Variants in COL4A2 observed in about 807,000 individuals in gnomAD.
COL4A2 encodes the protein collagen type IV alpha 2 chain, also known as collagen alpha-2(IV) chain.
Under a neutral mutation model 200.2 loss-of-function variants are expected in COL4A2, and 99 were observed. That is an observed-to-expected ratio of 0.49 (90% CI 0.42 to 0.58). The LOEUF (loss-of-function observed/expected upper bound fraction) is 0.58. Among genes scored for constraint, COL4A2 ranks in the 20% least tolerant of loss-of-function variants. The pLI is 0.00. For missense variants in COL4A2, 1,950 were observed against 2,314.1 expected, an observed-to-expected ratio of 0.84 and a Z score of 3.23; for synonymous variants, 897 against 900.6, an observed-to-expected ratio of 1.00 and a Z score of 0.07.
chr13:110,464,590 G>A (rs1204040592), intron 24 of COL4A2, among the ~76,000 whole-genome samples: 1 of 152,158 alleles, frequency 6.6e-6, no homozygotes, highest in Non-Finnish European at 1.5e-5. Context: ...GAGCTGGACC[G>A]GTGTCCCTGC....
At chr13:110,365,190 G>A (rs980172435) in intron 4 of COL4A2, among the ~76,000 whole-genome samples, 1 of 151,840 alleles carries the variant, frequency 6.6e-6, no homozygotes, top group African/African-American at 2.4e-5. Context: ...TGCCTGGGCT[G>A]GACCGCAGTG....
rs778640424 is a variant in COL4A2, at chr13:110,465,452, A to G, written c.1824A>G (p.Ile608Met). 17 of 1,613,768 alleles carry G rather than the reference A, an allele frequency of 1.1e-5. No homozygotes were observed. Among genetic ancestry groups the G allele is most frequent in the Middle Eastern group, 1.7e-4 (1 of 6,048 alleles). Residue 608 changes from isoleucine (I) to methionine (M), a missense_variant, in exon 25 of 48, where the codon ATA (isoleucine) becomes ATG (methionine). By Grantham distance (10) the Ile-to-Met change is conservative (BLOSUM62 1). Around this residue, in one of 2 missense-constraint regions of COL4A2, gnomAD observed 1,385 missense variants for 1,720.5 expected, o/e 0.80. Transcript: ENST00000360467. ...GPPGDPGYPG[I>M]PGTKGTPGEM... ...CAGGGGACCCAGGCTATCCAGGAAT[A>G]CCTGGAACGAAGGGTACTCCAGGAG...
chr13:110,322,613 T>C (rs1282643481), intron 3 of COL4A2, among the ~76,000 whole-genome samples: 1 of 152,170 alleles, frequency 6.6e-6, no homozygotes, highest in African/African-American at 2.4e-5. Context: ...ATCTTCCCCA[T>C]GGCTTCACCA....
intron 16 of COL4A2, among the ~76,000 whole-genome samples, chr13:110,443,104 G>A (rs1225528877): frequency 6.6e-6 from 1 of 152,206 alleles, no homozygotes; most frequent in Non-Finnish European, 1.5e-5. Context: ...AAAGCTTGAA[G>A]TGGCAGACAT....
intron 26 of COL4A2, 81 bp from the exon 27 acceptor site, chr13:110,466,959 T>G (rs1882264807): frequency 2.5e-6 from 4 of 1,581,508 alleles, no homozygotes; most frequent in African/African-American, 1.3e-5. Flanking sequence ...AGCTCGTGCT[T>G]TTGCCCTTGG....
Position 110,430,619 on chromosome 13 carries a change from G to A in COL4A2, c.648+12G>A. 1.2e-6 allele frequency: 2 copies of A among 1,614,140 alleles called. No individual in the cohort carries two copies. Among genetic ancestry groups the A allele is most frequent in the Non-Finnish European group, 1.7e-6 (2 of 1,179,982 alleles). On this transcript the variant is annotated intron_variant, in intron 10 of 47. Transcript: ENST00000360467. Reference sequence around the variant, plus strand: ...CTCCAGGGAGACCAGTAAGTACCTGGACACAGGTGCCCACTCTGGGACCAT... The same window carrying A: ...CTCCAGGGAGACCAGTAAGTACCTGAACACAGGTGCCCACTCTGGGACCAT...
At chr13:110,432,218 C>G (rs770786998) in intron 10 of COL4A2, 107 bp from the exon 11 acceptor site, 10 of 1,364,936 alleles carry the variant, frequency 7.3e-6, no homozygotes, top group Non-Finnish European at 9.6e-6. Flanking sequence ...GCATCCTACA[C>G]TGTGTCCTAA....
chr13:110,399,059 C>T (rs148512655), intron 4 of COL4A2, among the ~76,000 whole-genome samples: 1 of 152,266 alleles, frequency 6.6e-6, no homozygotes, highest in East Asian at 1.9e-4. Flanking sequence ...AGCCAGGCCA[C>T]TCTGTGCCCA....
intron 4 of COL4A2, among the ~76,000 whole-genome samples, chr13:110,379,142 A>G (rs1878360484): frequency 6.6e-6 from 1 of 152,212 alleles, no homozygotes; most frequent in Non-Finnish European, 1.5e-5. Context: ...GACATCAGAC[A>G]AAATCTGAAG....
In COL4A2 at chr13:110,450,470, CAA is replaced by C; in HGVS notation, c.1339+19_1339+20del. On this transcript the variant is annotated intron_variant, in intron 20 of 47. Coordinates refer to ENST00000360467, the MANE Select transcript of COL4A2 (RefSeq NM_001846.4). ...GGACCTGATGGTGAGTGGAGGGAAA[CAA>C]AAGGGAGGGTGTAGCCTAATGTTCA... 6.2e-7 allele frequency: 1 copy of C among 1,613,176 alleles called. No individual in the cohort carries two copies.
At chr13:110,471,085 C>T (rs969025818) in intron 28 of COL4A2, among the ~76,000 whole-genome samples, 1 of 152,288 alleles carries the variant, frequency 6.6e-6, no homozygotes, top group Admixed American at 6.5e-5. Flanking sequence ...AACATTGCCA[C>T]TCTCATGATT....
chr13:110,394,720 G>A (rs1422511254), intron 4 of COL4A2, among the ~76,000 whole-genome samples: 2 of 152,142 alleles, frequency 1.3e-5, no homozygotes, highest in East Asian at 1.9e-4. Flanking sequence ...GCTCCTCCGC[G>A]GGTGGGCCGA....
At chr13:110,326,921 G>A (rs1885431172) in intron 3 of COL4A2, among the ~76,000 whole-genome samples, 1 of 152,210 alleles carries the variant, frequency 6.6e-6, no homozygotes, top group African/African-American at 2.4e-5. Flanking sequence ...TTTGTGACCT[G>A]ATCAAAGATA....
chr13:110,487,735 C>T (rs896368662), intron 34 of COL4A2, among the ~76,000 whole-genome samples: 2 of 152,154 alleles, frequency 1.3e-5, no homozygotes, highest in Non-Finnish European at 2.9e-5. Flanking sequence ...GAAAAGTACA[C>T]GATTCAGTTT....
chr13:110,333,363 T>G (rs984819703), intron 3 of COL4A2, among the ~76,000 whole-genome samples: 3 of 152,194 alleles, frequency 2.0e-5, no homozygotes, highest in Non-Finnish European at 4.4e-5. Flanking sequence ...TGGGACCCAG[T>G]GTCCATCCCA....
intron 22 of COL4A2, chr13:110,461,889 C>A (rs1882039923): frequency 8.2e-6 from 5 of 611,926 alleles, no homozygotes; most frequent in South Asian, 4.1e-5. Context: ...CTCAGTCCCA[C>A]CATCCGCAGT....
chr13:110,476,739 G>T (rs1275661660), intron 29 of COL4A2, among the ~76,000 whole-genome samples: 1 of 152,220 alleles, frequency 6.6e-6, no homozygotes. Flanking sequence ...AAGAGAGGGG[G>T]AAATGCCTGA....
intron 4 of COL4A2, among the ~76,000 whole-genome samples, chr13:110,404,199 A>G (rs1200714919): frequency 6.6e-6 from 1 of 152,216 alleles, no homozygotes; most frequent in East Asian, 1.9e-4. Flanking sequence ...AGCAAATAAT[A>G]TAAGTATGAT....
intron 34 of COL4A2, among the ~76,000 whole-genome samples, chr13:110,488,526 G>C (rs1182390586): frequency 1.3e-5 from 2 of 152,156 alleles, no homozygotes; most frequent in African/African-American, 2.4e-5. Flanking sequence ...CCAGCCACCT[G>C]TGTCTTTCTG....
Sources: allele counts gnomAD v4.1 joint callset (sites outside exome capture counted in the v4.1 genomes callset), GRCh38; gene constraint gnomAD v4.1.1; regional missense constraint gnomAD v4.1.1; transcripts MANE v1.5; gene names NCBI Gene and HGNC (gene_info 2026-07-23, HGNC 2026-07-21).